The following PROM2 variants were observed in gnomAD, a reference collection of about 807,000 sequenced individuals.
PROM2 encodes prominin-2.
A neutral mutation model predicts 110.2 loss-of-function variants in PROM2; 90 were observed. The observed-to-expected ratio is 0.82, with a 90% CI of 0.69 to 0.97. PROM2 has a LOEUF of 0.97. PROM2 is among the 50% of genes least tolerant of loss of function. The probability of loss-of-function intolerance (pLI) is 0.00; values close to 1 mark genes in which losing one functional copy is unlikely to be tolerated. For synonymous variants in PROM2, 470 were observed against 467.8 expected, an observed-to-expected ratio of 1.00 and a Z score of -0.06; for missense variants, 1,009 against 1,074.8, an observed-to-expected ratio of 0.94 and a Z score of 0.86.
intron 23 of PROM2, 45 bp downstream of exon 23, chr2:95,289,051 A>C: frequency 4.1e-5 from 31 of 751,170 alleles, no homozygotes; most frequent in Non-Finnish European, 6.7e-5. Context: ...CCAGGGATTA[A>C]GGGAGTGGGG....
rs192855885 is a variant in PROM2 at position 95,283,527 on chromosome 2, C to T, written c.1728+1301C>T. On this transcript the variant is annotated intron_variant, in intron 14 of 23. Transcript: ENST00000317620. ...GCTGCTGCCACTGATGCCTGAGACA[C>T]GGCCCGAAGGCCCCCACCCGAGAGG... Among the ~76,000 whole-genome samples the T allele has an allele frequency of 1.5e-4, 23 of 152,330 alleles. No individual in the cohort carries two copies. In the East Asian group the frequency reaches 4.4e-3, roughly 29 times the overall value.
In PROM2 at chr2:95,282,190, C is replaced by T. The variant is rs768042790; in HGVS notation, c.1692C>T (p.Asp564=). The T allele has an allele frequency of 4.3e-6, 7 of 1,613,876 alleles. No individual in the cohort carries two copies. The East Asian group carries it at 6.7e-5, about 15-fold the overall frequency. ...TCTGGACAGTCCTGCAGCTCAACGA[C>T]TCCTACGACCTGGAGGAGCACCTGG... is the stretch of plus-strand genomic sequence containing the variant. ...AALWTVLQLN[D]SYDLEEHLDI... Residue 564 remains aspartate, a synonymous_variant, in exon 14 of 24, where the codon GAC becomes GAT. Coordinates refer to ENST00000317620, the MANE Select transcript of PROM2 (RefSeq NM_001165978.3).
At chr2:95,283,143 C>T (rs1468669885) in intron 14 of PROM2, among the ~76,000 whole-genome samples, 3 of 152,244 alleles carry the variant, frequency 2.0e-5, no homozygotes, top group Admixed American at 6.5e-5. Flanking sequence ...CAGGCGATAT[C>T]TCAGTGCTAG....
chr2:95,278,631 GC>G, intron 8 of PROM2, 89 bp from the exon 9 acceptor site: 2 of 1,445,440 alleles, frequency 1.4e-6, no homozygotes, highest in Admixed American at 1.7e-5. Context: ...ACTGAGGGGG[GC>G]CCTCCCTCTA....
chr2:95,285,571 G>T lies in PROM2; in HGVS notation c.1876-68G>T, dbSNP rs970747170. The T allele has an allele frequency of 8.3e-6, 11 of 1,331,916 alleles. No individual in the cohort carries two copies. The African/African-American group carries it at 1.6e-4, about 19-fold the overall frequency. The allele number at this position is 1,331,916 out of a possible 1,614,324, so 82.5% of individuals were successfully genotyped here. The stretch of plus-strand genomic sequence containing the variant: ...GATAAGACTGGGGATTTGGAGGCTG[G>T]GATCAGGTGGTGGTGGGCCCCAGGG... On this transcript the variant is annotated intron_variant, in intron 15 of 23. Coordinates refer to ENST00000317620, the MANE Select transcript of PROM2 (RefSeq NM_001165978.3).
Position 95,279,099 on chromosome 2 carries a change from G to C in PROM2, c.1229G>C (p.Ser410Thr), listed in dbSNP as rs369103674. Residue 410 changes from serine (S) to threonine (T), a missense_variant, in exon 10 of 24, where the codon AGC becomes ACC. Physicochemically the swap from Ser to Thr is moderately conservative, Grantham distance 58 (BLOSUM62 1). Transcript: ENST00000317620. ...CAGGCACTGCAGGAGGTGGAGGAGA[G>C]CAGCCGCCCCTACCTGCAGGAGGTG... Reference protein sequence around the residue: ...WAQALQEVEESSRPYLQEVQR... With the variant: ...WAQALQEVEETSRPYLQEVQR... The C allele has an allele frequency of 3.3e-5, 47 of 1,412,996 alleles. 1 individual carries two copies. Among genetic ancestry groups the C allele is most frequent in the Middle Eastern group, 4.3e-4 (2 of 4,652 alleles). 87.5% of individuals were successfully genotyped at this position (1,412,996 alleles called of 1,614,324 possible).
chr2:95,285,603 G>A (rs777981700), intron 15 of PROM2, 36 bp from the exon 16 acceptor site: 6 of 1,549,960 alleles, frequency 3.9e-6, no homozygotes, highest in South Asian at 1.2e-5. Context: ...AGGGGAGCTG[G>A]GTTCATCCCT....
chr2:95,279,610 T>C (rs1398873682), intron 10 of PROM2, among the ~76,000 whole-genome samples: 3 of 152,158 alleles, frequency 2.0e-5, no homozygotes, highest in Admixed American at 2.0e-4. Context: ...TGCATATTTT[T>C]AAGCCAAGAC....
chr2:95,277,201 G>C (rs1266352900), intron 6 of PROM2, 140 bp downstream of exon 6: 5 of 1,117,108 alleles, frequency 4.5e-6, no homozygotes, highest in Non-Finnish European at 6.3e-6. Context: ...CCAGGATCCA[G>C]CCCCCCTCCC....
At chr2:95,285,196 T>C in intron 15 of PROM2, 81 bp downstream of exon 15, 1 of 1,398,114 alleles carries the variant, frequency 7.2e-7, no homozygotes, top group Non-Finnish European at 9.5e-7. Context: ...TGGGTGTGCA[T>C]CTTGCCTTGT....
Position 95,282,143 on chromosome 2 carries a change from C to A in PROM2, c.1645C>A (p.Gln549Lys). Residue 549 changes from glutamine to lysine, a missense_variant and splice_region_variant, in exon 14 of 24, where the codon CAG (glutamine) becomes AAG (lysine). By Grantham distance (53) the Gln-to-Lys change is moderately conservative (BLOSUM62 1). Transcript: ENST00000317620. ...TCTGCACCCCTCACTCCTCCTCAGG[C>A]AGTGCAAGGAAGGGGCAGCGCTCTG... ...KNISIHQAYQ[Q>K]CKEGAALWTV... 1 of 1,613,782 alleles carries A rather than the reference C, an allele frequency of 6.2e-7. No homozygotes were observed. The highest frequency in any genetic ancestry group is 8.5e-7 in the Non-Finnish European group (1 of 1,179,818).
intron 14 of PROM2, among the ~76,000 whole-genome samples, 199 bp from the exon 15 acceptor site, chr2:95,284,770 A>G (rs1352920167): frequency 1.3e-5 from 2 of 152,226 alleles, no homozygotes; most frequent in Non-Finnish European, 2.9e-5. Flanking sequence ...GCCATACGTG[A>G]GGGATCCGCC....
chr2:95,276,816 C>T lies in PROM2; in HGVS notation c.683-156C>T, dbSNP rs1489678493. Among the ~76,000 whole-genome samples, 1 of 152,104 alleles carries T rather than the reference C, an allele frequency of 6.6e-6. No individual in the cohort carries two copies. The highest frequency in any genetic ancestry group is 1.5e-5 in the Non-Finnish European group (1 of 68,014). ...CTGGAGAGCAAGAGTGGCCGCCACT[C>T]AGCTGCTGGAGGAAGAAGCCGTGTC... is the stretch of plus-strand genomic sequence containing the variant. On this transcript the variant is annotated intron_variant, in intron 5 of 23. Coordinates refer to ENST00000317620, the MANE Select transcript of PROM2 (RefSeq NM_001165978.3). The surrounding 1 kb of genome is among the most constrained non-coding windows in gnomAD (Gnocchi z 4.6).
Position 95,278,272 on chromosome 2 carries a change from G to T in PROM2, c.1050+268G>T, listed in dbSNP as rs569321786. On this transcript the variant is annotated intron_variant, in intron 8 of 23. Coordinates refer to ENST00000317620, the MANE Select transcript of PROM2 (RefSeq NM_001165978.3). ...AGCCCAGAGGGCAGGCGGCTCCCCT[G>T]GGTGGAGATGGGCCAAGGGGGAGGA... 6 of 567,164 alleles carry T rather than the reference G, an allele frequency of 1.1e-5. No individual in the cohort carries two copies. In the Admixed American group the frequency reaches 1.2e-4, roughly 12 times the overall value. 35.1% of individuals were successfully genotyped at this position (567,164 alleles called of 1,614,324 possible).
At chr2:95,281,750 G>A (rs1415062688) in intron 12 of PROM2, among the ~76,000 whole-genome samples, 175 bp from the exon 13 acceptor site, 1 of 152,124 alleles carries the variant, frequency 6.6e-6, no homozygotes, top group Non-Finnish European at 1.5e-5. Flanking sequence ...GCCCCTGTAA[G>A]GATTTGGGGC....
rs377650550 is a variant in PROM2 at position 95,275,840 on chromosome 2, C to T, written c.295-90C>T. 3.7e-4 allele frequency: 561 copies of T among 1,535,158 alleles called. 3 individuals are homozygous for T. Among genetic ancestry groups the T allele is most frequent in the East Asian group, 2.0e-3 (83 of 40,986 alleles). ...CAGGCCATGCCCCTGACGGCACTCC[C>T]GCCCCTTCTGGTTTCCCTCTGGACT... On this transcript the variant is annotated intron_variant, in intron 2 of 23. Coordinates refer to ENST00000317620, the MANE Select transcript of PROM2 (RefSeq NM_001165978.3). This position sits in a 1 kb window ranked among gnomAD's most constrained non-coding sequence, Gnocchi z 4.4.
chr2:95,283,799 A>G (rs1442164604), intron 14 of PROM2, among the ~76,000 whole-genome samples: 2 of 152,096 alleles, frequency 1.3e-5, no homozygotes, highest in Admixed American at 1.3e-4. Flanking sequence ...TCATTCATTC[A>G]TTCATTCATT....
rs754056605 is a variant in PROM2 at position 95,281,353 on chromosome 2, C to T, written c.1539C>T (p.Gly513=). 43 of 1,606,770 alleles carry T rather than the reference C, an allele frequency of 2.7e-5. No homozygotes were observed. The highest frequency in any genetic ancestry group is 3.3e-4 in the Middle Eastern group (2 of 6,046). ...QTLVCQSWEN[G]ELFEFADTPG... is the part of the protein sequence containing the mutation. The stretch of plus-strand genomic sequence containing the variant: ...TGGTGTGCCAGAGCTGGGAGAACGG[C>T]GAGCTCTTTGAGGTAGGCCTGTCTC... The change falls in exon 12 of 24, where the codon GGC becomes GGT. Residue 513 remains glycine (G), a synonymous_variant. Transcript: ENST00000317620.
At chr2:95,280,124 C>G in intron 11 of PROM2, 127 bp downstream of exon 11, 1 of 992,448 alleles carries the variant, frequency 1.0e-6, no homozygotes, top group Non-Finnish European at 1.3e-6. Context: ...GGGGTTGAAC[C>G]AGAGCAGGAA....
Sources: allele counts gnomAD v4.1 joint callset (sites outside exome capture counted in the v4.1 genomes callset), GRCh38; gene constraint gnomAD v4.1.1; non-coding constraint Gnocchi (gnomAD v3.1); transcripts MANE v1.5; gene names NCBI Gene and HGNC (gene_info 2026-07-23, HGNC 2026-07-21).